The following AOPEP variants were observed in gnomAD, a reference collection of about 807,000 sequenced individuals.
The protein encoded by AOPEP is aminopeptidase O.
Under a neutral mutation model 98.1 loss-of-function variants are expected in AOPEP, and 77 were observed. The observed-to-expected ratio is 0.78, with a 90% CI of 0.65 to 0.95. The LOEUF is 0.95. AOPEP is among the 40% of genes least tolerant of loss of function. AOPEP has a pLI of 0.00. For synonymous variants in AOPEP, 346 were observed against 365.3 expected (o/e 0.95, Z 0.60); for missense variants, 1,024 against 1,024.7 (o/e 1.00, Z 0.01).
chr9:94,867,398 G>A (rs1230268049), intron 5 of AOPEP, among the ~76,000 whole-genome samples: 1 of 152,130 alleles, frequency 6.6e-6, no homozygotes, highest in Non-Finnish European at 1.5e-5. Context: ...AGTTTCCCTG[G>A]CCTGTTTGCT....
intron 7 of AOPEP, among the ~76,000 whole-genome samples, chr9:94,944,514 G>A (rs2057400443): frequency 6.6e-6 from 1 of 152,228 alleles, no homozygotes; most frequent in African/African-American, 2.4e-5. Context: ...TGTGATTTAT[G>A]TGAACTGTCC....
chr9:94,730,153 G>A (rs1830176881), intron 1 of AOPEP, among the ~76,000 whole-genome samples: 5 of 151,968 alleles, frequency 3.3e-5, no homozygotes, highest in Admixed American at 1.3e-4. Context: ...GCGTGGTGGC[G>A]GGCGCCTATA....
chr9:94,796,804 G>C (rs1444673189), intron 4 of AOPEP, among the ~76,000 whole-genome samples: 3 of 152,212 alleles, frequency 2.0e-5, no homozygotes, highest in South Asian at 4.1e-4. Context: ...GCTGTTGAAA[G>C]TTTATTAATT....
intron 5 of AOPEP, among the ~76,000 whole-genome samples, chr9:94,801,844 G>A (rs927342985): frequency 6.6e-6 from 1 of 152,122 alleles, no homozygotes. Flanking sequence ...ATTAGTCAAG[G>A]AAATTCCTGC....
intron 14 of AOPEP, among the ~76,000 whole-genome samples, chr9:95,064,376 C>T (rs1218730534): frequency 6.6e-6 from 1 of 152,222 alleles, no homozygotes; most frequent in African/African-American, 2.4e-5. Context: ...CTCACTGCAA[C>T]CTCCAACTCC....
intron 14 of AOPEP, among the ~76,000 whole-genome samples, chr9:95,077,908 G>A (rs547845793): frequency 2.0e-4 from 31 of 152,118 alleles, no homozygotes; most frequent in African/African-American, 7.2e-4. Flanking sequence ...AAGACTGCGC[G>A]TGAGCAGGAA....
chr9:94,812,084 T>C (rs931303593), intron 5 of AOPEP, among the ~76,000 whole-genome samples: 9 of 152,132 alleles, frequency 5.9e-5, no homozygotes, highest in African/African-American at 2.2e-4. Context: ...ACTAATTAGA[T>C]CATGAGGCTT....
intron 2 of AOPEP, among the ~76,000 whole-genome samples, chr9:94,765,884 G>T (rs982636830): frequency 6.6e-6 from 1 of 152,132 alleles, no homozygotes; most frequent in African/African-American, 2.4e-5. Context: ...CTTCTTGCCT[G>T]TATCATTCAG....
the AOPEP span, among the ~76,000 whole-genome samples, chr9:95,133,112 C>A: frequency 5.3e-5 from 8 of 152,192 alleles, no homozygotes; most frequent in African/African-American, 9.7e-5. Flanking sequence ...TACTGCACTG[C>A]GATAAATGAA....
At chr9:95,048,541 C>T (rs1275410230) in intron 13 of AOPEP, among the ~76,000 whole-genome samples, 1 of 152,034 alleles carries the variant, frequency 6.6e-6, no homozygotes, top group African/African-American at 2.4e-5. Flanking sequence ...AGCACCGGGA[C>T]CGACCACGGC....
chr9:95,028,859 A>C (rs750421334), intron 13 of AOPEP, among the ~76,000 whole-genome samples: 3 of 152,206 alleles, frequency 2.0e-5, no homozygotes, highest in Admixed American at 6.5e-5. Flanking sequence ...TTGTATTAGA[A>C]TTTCCCTGCC....
chr9:95,039,845 G>A (rs2065139031), intron 13 of AOPEP, among the ~76,000 whole-genome samples: 1 of 152,128 alleles, frequency 6.6e-6, no homozygotes, highest in South Asian at 2.1e-4. Flanking sequence ...ATTTGTGATG[G>A]CAGACTAAGA....
At chr9:94,817,120 C>T (rs548315701) in intron 5 of AOPEP, among the ~76,000 whole-genome samples, 1 of 152,138 alleles carries the variant, frequency 6.6e-6, no homozygotes, top group Non-Finnish European at 1.5e-5. Context: ...CCTACCCCAG[C>T]CCCCTGAGTA....
intron 13 of AOPEP, among the ~76,000 whole-genome samples, chr9:95,014,471 C>CA (rs886672341): frequency 6.9e-4 from 95 of 136,850 alleles, no homozygotes; most frequent in East Asian, 1.2e-3. Context: ...GACCCTGTTT[C>CA]AAAAAAAAAA....
intron 5 of AOPEP, among the ~76,000 whole-genome samples, chr9:94,835,902 C>T (rs1036770468): frequency 4.6e-5 from 7 of 152,238 alleles, no homozygotes; most frequent in African/African-American, 1.7e-4. Context: ...TTCTACCGCT[C>T]TTTGTTTTTG....
chr9:95,135,987 C>T, the AOPEP span, among the ~76,000 whole-genome samples: 1 of 152,238 alleles, frequency 6.6e-6, no homozygotes, highest in South Asian at 2.1e-4. Context: ...CTATCTCCTT[C>T]ACAGTGTTCT....
intron 13 of AOPEP, 32 bp from the exon 14 acceptor site, chr9:95,060,662 C>A: frequency 7.1e-7 from 1 of 1,405,820 alleles, no homozygotes; most frequent in Non-Finnish European, 1.0e-6. Context: ...AACTGAATGG[C>A]ATTTTCATAG....
chr9:94,738,569 AATT>A (rs1201424915), intron 1 of AOPEP, among the ~76,000 whole-genome samples: 2 of 152,014 alleles, frequency 1.3e-5, no homozygotes, highest in African/African-American at 2.4e-5. Context: ...CGAGAAAAAA[AATT>A]ATTATTATTA....
At chr9:95,102,592 C>T in the AOPEP span, among the ~76,000 whole-genome samples, 2 of 152,150 alleles carry the variant, frequency 1.3e-5, no homozygotes, top group African/African-American at 2.4e-5. Context: ...ATACAGAACC[C>T]GCAAATGTTT....
Sources: gnomAD v4.1 joint callset for allele counts (sites outside exome capture counted in the v4.1 genomes callset) on GRCh38, gnomAD v4.1.1 for gene constraint, MANE v1.5 for transcripts, NCBI Gene and HGNC (gene_info 2026-07-23, HGNC 2026-07-21) for gene names.